The following RASA1 variants were observed in gnomAD, a reference collection of about 807,000 sequenced individuals.
RASA1 encodes ras GTPase-activating protein 1.
RASA1 carries 25 observed loss-of-function variants against 132.2 expected under a neutral mutation model. That is an observed-to-expected ratio of 0.19 (90% CI 0.14 to 0.26). The LOEUF (loss-of-function observed/expected upper bound fraction) is 0.26, where lower values mean the gene tolerates loss of function less well. RASA1 is among the 10% of genes least tolerant of loss of function. RASA1 has a pLI of 1.00. For synonymous variants in RASA1, 477 were observed against 449.9 expected, an observed-to-expected ratio of 1.06 and a Z score of -0.76; for missense variants, 964 against 1,299.2, an observed-to-expected ratio of 0.74 and a Z score of 3.97.
intron 9 of RASA1, among the ~76,000 whole-genome samples, chr5:87,355,599 G>A (rs564277842): frequency 6.6e-6 from 1 of 152,292 alleles, no homozygotes; most frequent in Non-Finnish European, 1.5e-5. Flanking sequence ...AGCTAACACA[G>A]CTTATATTCT....
intron 1 of RASA1, among the ~76,000 whole-genome samples, chr5:87,319,390 C>T (rs896364622): frequency 1.3e-5 from 2 of 152,322 alleles, no homozygotes; most frequent in South Asian, 2.1e-4. Flanking sequence ...GGCCCTGTAG[C>T]GGAGTCCTGC....
At position 87,346,799 on chromosome 5, in the gene RASA1, GT is replaced by G. The variant is rs1580320577; in HGVS notation, c.1102+79del. Reference sequence around the variant, plus strand: ...AAAGTGAACAAACCATTTATCATGTGTTTTGCCTTTAGCATTCAGTTAGTGT... The same window carrying G: ...AAAGTGAACAAACCATTTATCATGTGTTTGCCTTTAGCATTCAGTTAGTGT... On this transcript the variant is annotated intron_variant, in intron 7 of 24. Coordinates refer to ENST00000274376, the MANE Select transcript of RASA1 (RefSeq NM_002890.3). 7 of 1,198,544 alleles carry G rather than the reference GT, an allele frequency of 5.8e-6. No homozygotes were observed. The East Asian group carries it at 1.7e-4, about 29-fold the overall frequency. 74.2% of individuals were successfully genotyped at this position (1,198,544 alleles called of 1,614,324 possible).
intron 1 of RASA1, among the ~76,000 whole-genome samples, chr5:87,297,275 C>A (rs1030475348): frequency 6.6e-6 from 1 of 152,164 alleles, no homozygotes. Flanking sequence ...TTGATACTTG[C>A]TCTGTCTCTT....
At chr5:87,380,052 T>G (rs1316748417) in intron 19 of RASA1, among the ~76,000 whole-genome samples, 1 of 152,192 alleles carries the variant, frequency 6.6e-6, no homozygotes, top group Non-Finnish European at 1.5e-5. Flanking sequence ...CAAGCCAATA[T>G]GTCTGGTTTG....
At chr5:87,368,864 T>C (rs957026044) in intron 11 of RASA1, among the ~76,000 whole-genome samples, 5 of 152,186 alleles carry the variant, frequency 3.3e-5, no homozygotes, top group Middle Eastern at 3.2e-3. Context: ...TTGGTTGTTC[T>C]CCAGTGCTTT....
In RASA1 at chr5:87,333,144, T is replaced by G. The variant is rs148126341; in HGVS notation, c.829-123T>G. 1.8e-3 allele frequency: 2,497 copies of G among 1,415,530 alleles called. 21 individuals are homozygous for G. The highest frequency in any genetic ancestry group is 0.014 in the East Asian group (563 of 39,536). 87.7% of individuals were successfully genotyped at this position (1,415,530 alleles called of 1,614,324 possible). On this transcript the variant is annotated intron_variant, in intron 3 of 24. Transcript: ENST00000274376. ...GGGTATTTATAGTCCAAGTAAAAAT[T>G]TATTTGAATGATCCCATGGAGTTTC...
intron 1 of RASA1, among the ~76,000 whole-genome samples, chr5:87,300,481 C>G (rs948064659): frequency 6.6e-6 from 1 of 151,920 alleles, no homozygotes; most frequent in Non-Finnish European, 1.5e-5. Flanking sequence ...CCTTAACAAC[C>G]TAACAAGACC....
rs748254490 is a variant in RASA1, at chr5:87,331,532, G to A, written c.692+32G>A. The A allele has an allele frequency of 1.9e-5, 30 of 1,602,486 alleles. No homozygotes were observed. The African/African-American group carries it at 3.6e-4, about 19-fold the overall frequency. ...CTTTATTCCTATTATGAAGCCAAAT[G>A]ATGTAGCTATTTTGATATAATATTC... On this transcript the variant is annotated intron_variant, in intron 2 of 24. Coordinates refer to ENST00000274376, the MANE Select transcript of RASA1 (RefSeq NM_002890.3).
Position 87,376,582 on chromosome 5 carries a change from C to T in RASA1, c.2184+17C>T. On this transcript the variant is annotated intron_variant, in intron 16 of 24. Transcript: ENST00000274376. ...TTTAAAGAGGTATTAAATTATTTAT[C>T]AGTCTTGTTTTTGTTGGAATTAACA... 1 of 1,607,514 alleles carries T rather than the reference C, an allele frequency of 6.2e-7. No individual in the cohort carries two copies. Among genetic ancestry groups the T allele is most frequent in the Non-Finnish European group, 8.5e-7 (1 of 1,174,212 alleles).
intron 23 of RASA1, among the ~76,000 whole-genome samples, chr5:87,388,665 T>C (rs956454960): frequency 6.6e-6 from 1 of 152,210 alleles, no homozygotes; most frequent in African/African-American, 2.4e-5. Flanking sequence ...TAACACTGAT[T>C]ATTCCCACAC....
rs143018366 is a variant in RASA1, at chr5:87,272,369, C to T, written c.539+3379C>T. Among the ~76,000 whole-genome samples the T allele has an allele frequency of 9.8e-3, 1,496 of 152,036 alleles. 29 individuals are homozygous for T. The highest frequency in any genetic ancestry group is 0.032 in the Admixed American group (493 of 15,256). On this transcript the variant is annotated intron_variant, in intron 1 of 24. Coordinates refer to ENST00000274376, the MANE Select transcript of RASA1 (RefSeq NM_002890.3). ...TTCTTATTTCATCTTAGTTATCAAC[C>T]CAGAGTCACTGGAGGCAATGCAGTG... is the stretch of plus-strand genomic sequence containing the variant.
chr5:87,302,622 AC>A (rs1755419915), intron 1 of RASA1, among the ~76,000 whole-genome samples: 1 of 151,572 alleles, frequency 6.6e-6, no homozygotes, highest in African/African-American at 2.4e-5. Context: ...AGTATACTAT[AC>A]TAAAGCATAG....
In RASA1 at chr5:87,268,329, T is replaced by C; in HGVS notation, c.-123T>C. The C allele has an allele frequency of 8.7e-7, 1 of 1,146,796 alleles. No homozygotes were observed. The highest frequency in any genetic ancestry group is 1.2e-6 in the Non-Finnish European group (1 of 841,866). The allele number at this position is 1,146,796 out of a possible 1,614,324, so 71.0% of individuals were successfully genotyped here. On this transcript the variant is annotated 5_prime_UTR_variant, in exon 1 of 25. Transcript: ENST00000274376. ...GCGGCGGGCTCTCTCCTTTTGTTGTTGTTTCCTCAGCCTGGGGAGCTGAAG... is the reference window on the plus strand; with the variant it reads ...GCGGCGGGCTCTCTCCTTTTGTTGTCGTTTCCTCAGCCTGGGGAGCTGAAG...
intron 1 of RASA1, among the ~76,000 whole-genome samples, chr5:87,291,154 T>C (rs371980484): frequency 2.0e-5 from 3 of 152,332 alleles, no homozygotes. Flanking sequence ...TTGTAAAAGG[T>C]GTATAGTGAT....
chr5:87,363,576 A>G (rs947143644), intron 11 of RASA1, 72 bp downstream of exon 11: 12 of 1,505,130 alleles, frequency 8.0e-6, no homozygotes, highest in East Asian at 2.3e-5. Flanking sequence ...AAGCAAACCA[A>G]TTTTGAGAGC....
intron 1 of RASA1, among the ~76,000 whole-genome samples, chr5:87,276,913 A>G (rs1034158003): frequency 2.0e-5 from 3 of 152,204 alleles, no homozygotes; most frequent in Admixed American, 1.3e-4. Flanking sequence ...ACCCTAGCTA[A>G]GTTCATATAA....
chr5:87,287,778 ATATGTACACG>A lies in RASA1; in HGVS notation c.539+18789_539+18798del, dbSNP rs1487969144. Among the ~76,000 whole-genome samples, 183 of 87,932 alleles carry A rather than the reference ATATGTACACG, an allele frequency of 2.1e-3. 4 individuals carry two copies. The highest frequency in any genetic ancestry group is 7.7e-3 in the African/African-American group (177 of 23,118). 57.7% of individuals were successfully genotyped at this position (87,932 alleles called of 152,430 possible). ...TATGTACACGCCATAGATATACCATATATGTACACGCCATATATATACACACCATATATAT... is the reference window on the plus strand; with the variant it reads ...TATGTACACGCCATAGATATACCATACCATATATATACACACCATATATAT... On this transcript the variant is annotated intron_variant, in intron 1 of 24. Coordinates refer to ENST00000274376, the MANE Select transcript of RASA1 (RefSeq NM_002890.3).
chr5:87,384,559 A>C (rs895703940), intron 21 of RASA1, among the ~76,000 whole-genome samples: 1 of 152,138 alleles, frequency 6.6e-6, no homozygotes, highest in Non-Finnish European at 1.5e-5. Context: ...TAAATCTATA[A>C]ATTATTAATA....
intron 1 of RASA1, among the ~76,000 whole-genome samples, chr5:87,279,761 G>A (rs1754230398): frequency 1.3e-5 from 2 of 152,122 alleles, no homozygotes; most frequent in African/African-American, 4.8e-5. Context: ...TATTAGTCAG[G>A]GTTCTCCAGA....
Sources: gnomAD v4.1 joint callset for allele counts (sites outside exome capture counted in the v4.1 genomes callset) on GRCh38, gnomAD v4.1.1 for gene constraint, MANE v1.5 for transcripts, NCBI Gene and HGNC (gene_info 2026-07-23, HGNC 2026-07-21) for gene names.